The following RNF141 variants were observed in gnomAD, a reference collection of about 807,000 sequenced individuals.
RNF141 encodes the protein C3HC4-like zinc finger protein.
Under a neutral mutation model 27.4 loss-of-function variants are expected in RNF141, and 18 were observed. The ratio of observed to expected loss-of-function variants is 0.66; its 90% CI spans 0.45 to 0.97. RNF141 has a LOEUF of 0.97. Ranked by LOEUF, RNF141 falls within the 50% of genes least tolerant of loss-of-function variation. The pLI is 0.00. For missense variants in RNF141, 230 were observed against 279.4 expected (o/e 0.82, Z 1.26); for synonymous variants, 97 against 96.6 (o/e 1.00, Z -0.02).
chr11:10,530,874 AAAT>A (rs561440243), intron 2 of RNF141, 123 bp from the exon 3 acceptor site: 97 of 531,362 alleles, frequency 1.8e-4, no homozygotes, highest in Non-Finnish European at 3.0e-4. Context: ...ACAAAAAGAC[AAAT>A]AATAATGATT....
Position 10,511,718 on chromosome 11 carries a change from A to G in RNF141, c.*3198T>C, listed in dbSNP as rs1849801218. On this transcript the variant is annotated 3_prime_UTR_variant, in exon 6 of 6. Coordinates refer to ENST00000265981, the MANE Select transcript of RNF141 (RefSeq NM_016422.4). The stretch of plus-strand genomic sequence containing the variant: ...TAAACTCAACTTCCCAATGTTAAAA[A>G]TCACTGAATCAAAAGATATTTTCAA... 6.6e-6 allele frequency: 1 copy of G among 152,276 alleles called. No individual in the cohort carries two copies. The highest frequency in any genetic ancestry group is 2.1e-4 in the South Asian group (1 of 4,830). The allele number at this position is 152,276 out of a possible 1,614,324, so 9.4% of individuals were successfully genotyped here. A position where few individuals can be genotyped will look rare whatever the true frequency, so the allele number is the denominator to read the frequency against.
At chr11:10,535,126 C>T (rs1036096676) in intron 1 of RNF141, among the ~76,000 whole-genome samples, 1 of 149,860 alleles carries the variant, frequency 6.7e-6, no homozygotes, top group African/African-American at 2.5e-5. Context: ...AAATTAACAA[C>T]CATATCACAT....
chr11:10,535,769 T>G (rs1266558547), intron 1 of RNF141, among the ~76,000 whole-genome samples: 1 of 152,122 alleles, frequency 6.6e-6, no homozygotes, highest in Non-Finnish European at 1.5e-5. Flanking sequence ...AGAAAAAAAG[T>G]CTTTCCCAAG....
intron 4 of RNF141, among the ~76,000 whole-genome samples, chr11:10,522,763 T>C (rs767152890): frequency 5.3e-5 from 8 of 152,216 alleles, no homozygotes; most frequent in South Asian, 4.1e-4. Flanking sequence ...TTAACTCTTA[T>C]AGACAAATTA....
At chr11:10,519,189 G>C (rs769931696) in intron 4 of RNF141, 48 bp from the exon 5 acceptor site, 3 of 1,517,232 alleles carry the variant, frequency 2.0e-6, no homozygotes. Flanking sequence ...CTGTCATTAT[G>C]CTTTATACTT....
In RNF141 at chr11:10,522,019, G is replaced by GA. The variant is rs549163161; in HGVS notation, c.435-2879dup. The stretch of plus-strand genomic sequence containing the variant: ...GGAGTGCAGTATGAGGGACAGTCTA[G>GA]AAAGAGGAAAACTGGTTAGGATCTT... On this transcript the variant is annotated intron_variant, in intron 4 of 5. Coordinates refer to ENST00000265981, the MANE Select transcript of RNF141 (RefSeq NM_016422.4). Among the ~76,000 whole-genome samples, 60 of 152,344 alleles carry GA rather than the reference G, an allele frequency of 3.9e-4. No individual in the cohort carries two copies. The East Asian group carries it at 5.6e-3, about 14-fold the overall frequency.
rs550349755 is a variant in RNF141 at position 10,512,920 on chromosome 11, C to T, written c.*1996G>A. ...AATAAGGAAATTTATAATAATATGA[C>T]TTTTATATAGTGGGGTATAGGGTAT... On this transcript the variant is annotated 3_prime_UTR_variant, in exon 6 of 6. Transcript: ENST00000265981. The T allele has an allele frequency of 6.6e-5, 10 of 151,926 alleles. No individual in the cohort carries two copies. The highest frequency in any genetic ancestry group is 1.5e-4 in the Non-Finnish European group (10 of 68,004). The allele number at this position is 151,926 out of a possible 1,614,324, so 9.4% of individuals were successfully genotyped here. A position where few individuals can be genotyped will look rare whatever the true frequency, so the allele number is the denominator to read the frequency against.
chr11:10,538,922 G>C (rs992404429), intron 1 of RNF141, among the ~76,000 whole-genome samples: 27 of 152,190 alleles, frequency 1.8e-4, no homozygotes, highest in Admixed American at 7.2e-4. Context: ...CAAACCACTG[G>C]CACAGAATTC....
intron 1 of RNF141, among the ~76,000 whole-genome samples, chr11:10,534,415 G>A (rs564951129): frequency 6.6e-6 from 1 of 152,136 alleles, no homozygotes; most frequent in Admixed American, 6.6e-5. Context: ...TTGGGAGGGT[G>A]ATGAACCTCT....
At chr11:10,534,558 A>G (rs1017295297) in intron 1 of RNF141, among the ~76,000 whole-genome samples, 1 of 152,110 alleles carries the variant, frequency 6.6e-6, no homozygotes, top group Non-Finnish European at 1.5e-5. Context: ...TAATTTTCCT[A>G]AGAACATTTC....
In RNF141 at chr11:10,530,629, T is replaced by C. The variant is rs770391015; in HGVS notation, c.252+14A>G. Reference sequence around the variant, plus strand: ...TAGCTTAAGCTCAGAGGTAGAAGTCTCCATCAGTCTCACCTTGGTACAGAC... The same window carrying C: ...TAGCTTAAGCTCAGAGGTAGAAGTCCCCATCAGTCTCACCTTGGTACAGAC... On this transcript the variant is annotated intron_variant, in intron 3 of 5. Transcript: ENST00000265981. 1.4e-6 allele frequency: 2 copies of C among 1,469,396 alleles called. No individual in the cohort carries two copies. Among genetic ancestry groups the C allele is most frequent in the Admixed American group, 1.8e-5 (1 of 55,646 alleles). The allele number at this position is 1,469,396 out of a possible 1,614,324, so 91.0% of individuals were successfully genotyped here. A position where few individuals can be genotyped will look rare whatever the true frequency, so the allele number is the denominator to read the frequency against.
intron 1 of RNF141, among the ~76,000 whole-genome samples, chr11:10,539,558 G>C (rs1850067668): frequency 6.7e-6 from 1 of 149,044 alleles, no homozygotes; most frequent in African/African-American, 2.5e-5. Context: ...CTGTAGATCT[G>C]TAAACAGATA....
At chr11:10,532,041 G>A (rs751050206) in intron 2 of RNF141, 14 of 448,402 alleles carry the variant, frequency 3.1e-5, no homozygotes, top group Admixed American at 4.9e-5. Context: ...GAAGACCTCT[G>A]TATCACACAG....
intron 5 of RNF141, chr11:10,516,003 C>T (rs1436445552): frequency 6.6e-6 from 1 of 152,156 alleles, no homozygotes; most frequent in Admixed American, 6.5e-5. Context: ...ACATATTATG[C>T]AGAGAAAAAT....
Position 10,514,726 on chromosome 11 carries a change from A to AT in RNF141, c.*189dup, listed in dbSNP as rs562579070. On this transcript the variant is annotated 3_prime_UTR_variant, in exon 6 of 6. Coordinates refer to ENST00000265981, the MANE Select transcript of RNF141 (RefSeq NM_016422.4). ...AAAATATGGTCTAAAACAGTAGCAA[A>AT]TTTTAGTACCACAAATGGAAGACAT... 5.1e-4 allele frequency: 261 copies of AT among 513,576 alleles called. No individual in the cohort carries two copies. The highest frequency in any genetic ancestry group is 9.8e-4 in the Middle Eastern group (2 of 2,036). 31.8% of individuals were successfully genotyped at this position (513,576 alleles called of 1,614,324 possible).
At position 10,539,691 on chromosome 11, in the gene RNF141, C is replaced by CATATATATATATATATATATATATATAT. The variant is rs1554905298; in HGVS notation, c.-48+1430_-48+1431insATATATATATATATATATATATATATAT. On this transcript the variant is annotated intron_variant, in intron 1 of 5. Transcript: ENST00000265981. Reference sequence around the variant, plus strand: ...GATCTTGATCAGAAAAAGATACATACATATATATTAGAGAGAGAAGGAGAG... The same window carrying CATATATATATATATATATATATATATAT: ...GATCTTGATCAGAAAAAGATACATACATATATATATATATATATATATATATATATATATATTAGAGAGAGAAGGAGAG... 1.3e-3 allele frequency among the ~76,000 whole-genome samples: 51 copies of CATATATATATATATATATATATATATAT among 40,320 alleles called. 4 individuals carry two copies. The highest frequency in any genetic ancestry group is 0.017 in the Middle Eastern group (1 of 58). 26.5% of individuals were successfully genotyped at this position (40,320 alleles called of 152,430 possible). A position where few individuals can be genotyped will look rare whatever the true frequency, so the allele number is the denominator to read the frequency against.
Position 10,517,491 on chromosome 11 carries a change from C to T in RNF141, c.542+1543G>A, listed in dbSNP as rs1310523648. ...GAAAAATTTCCAAATTTGATGACAC[C>T]GTAAATCAACAAATCCAAGAAGCTC... On this transcript the variant is annotated intron_variant, in intron 5 of 5. Coordinates refer to ENST00000265981, the MANE Select transcript of RNF141 (RefSeq NM_016422.4). 3 of 151,776 alleles carry T rather than the reference C, an allele frequency of 2.0e-5. 1 individual carries two copies. The highest frequency in any genetic ancestry group is 4.2e-4 in the South Asian group (2 of 4,812). The allele number at this position is 151,776 out of a possible 1,614,324, so 9.4% of individuals were successfully genotyped here. A position where few individuals can be genotyped will look rare whatever the true frequency, so the allele number is the denominator to read the frequency against.
At chr11:10,523,403 C>T (rs1262512125) in intron 4 of RNF141, among the ~76,000 whole-genome samples, 3 of 152,234 alleles carry the variant, frequency 2.0e-5, no homozygotes, top group East Asian at 3.9e-4. Context: ...CTGAAATGGG[C>T]CGATAATTGT....
At chr11:10,537,739 A>C (rs878981660) in intron 1 of RNF141, among the ~76,000 whole-genome samples, 1 of 152,262 alleles carries the variant, frequency 6.6e-6, no homozygotes, top group Admixed American at 6.5e-5. Flanking sequence ...TGAAAACATG[A>C]CAAGACACAA....
Sources: gnomAD v4.1 joint callset for allele counts (sites outside exome capture counted in the v4.1 genomes callset) on GRCh38, gnomAD v4.1.1 for gene constraint, MANE v1.5 for transcripts, NCBI Gene and HGNC (gene_info 2026-07-23, HGNC 2026-07-21) for gene names.